Variants in SGCD observed in about 807,000 individuals in gnomAD.
SGCD encodes delta-sarcoglycan.
A neutral mutation model predicts 36.6 loss-of-function variants in SGCD; 18 were observed. The observed-to-expected ratio is 0.49, with a 90% CI of 0.34 to 0.73. The LOEUF is 0.73. Among genes scored for constraint, SGCD ranks in the 30% least tolerant of loss-of-function variants. The pLI is 0.01. For missense variants in SGCD, 387 were observed against 346.7 expected, an observed-to-expected ratio of 1.12 and a Z score of -0.92; for synonymous variants, 133 against 130.6, an observed-to-expected ratio of 1.02 and a Z score of -0.12.
rs1278526792 is a variant in SGCD, at chr5:156,607,556, C to G, written c.502+12505C>G. Among the ~76,000 whole-genome samples, 3 of 152,200 alleles carry G rather than the reference C, an allele frequency of 2.0e-5. No homozygotes were observed. In the East Asian group the frequency reaches 5.8e-4, roughly 29 times the overall value. On this transcript the variant is annotated intron_variant, in intron 6 of 8. Coordinates refer to ENST00000337851, the MANE Select transcript of SGCD (RefSeq NM_000337.6). Reference sequence around the variant, plus strand: ...GCTTTGGTATCAGGATGATGCTGGACTCATCAAATGAGTTAGGGAGGATTC... The same window carrying G: ...GCTTTGGTATCAGGATGATGCTGGAGTCATCAAATGAGTTAGGGAGGATTC...
chr5:156,104,112 T>A (rs2127597494), intron 1 of SGCD, among the ~76,000 whole-genome samples: 1 of 152,292 alleles, frequency 6.6e-6, no homozygotes, highest in East Asian at 1.9e-4. Flanking sequence ...GTTGTCCCTG[T>A]TAAAGTCACA....
At position 156,448,659 on chromosome 5, in the gene SGCD, G is replaced by T. The variant is rs2127803069; in HGVS notation, c.193-59942G>T. On this transcript the variant is annotated intron_variant, in intron 3 of 8. Coordinates refer to ENST00000337851, the MANE Select transcript of SGCD (RefSeq NM_000337.6). ...CTGTTCCAGGGACAGGCAACTCATG[G>T]TGATGTGTTTGGGCAGAAATAACAT... Among the ~76,000 whole-genome samples the T allele has an allele frequency of 2.0e-5, 3 of 151,666 alleles. No homozygotes were observed. In the South Asian group the frequency reaches 6.2e-4, roughly 32 times the overall value.
chr5:155,796,007 A>G, the SGCD span, among the ~76,000 whole-genome samples: 10 of 152,330 alleles, frequency 6.6e-5, no homozygotes, highest in African/African-American at 2.4e-4. Flanking sequence ...ACCAAAACAT[A>G]ATCGTAGTGA....
At chr5:156,004,535 G>C (rs1758721871) in intron 1 of SGCD, among the ~76,000 whole-genome samples, 2 of 152,150 alleles carry the variant, frequency 1.3e-5, no homozygotes, top group African/African-American at 4.8e-5. Flanking sequence ...TTAGTAACCA[G>C]ATCATCCAGC....
chr5:156,073,678 A>G lies in SGCD; in HGVS notation c.-281-44200A>G, dbSNP rs12187922. Among the ~76,000 whole-genome samples, 285 of 152,350 alleles carry G rather than the reference A, an allele frequency of 1.9e-3. 1 individual carries two copies. Among genetic ancestry groups the G allele is most frequent in the Non-Finnish European group, 2.7e-3 (187 of 68,018 alleles). On this transcript the variant is annotated intron_variant, in intron 1 of 9. Coordinates refer to the SGCD transcript ENST00000517913. ...AGTTCTTGATGCTTAGGGCTGTGAG[A>G]AATTCAAGAGACTAAGCCACATGTT...
chr5:156,589,019 T>TGTGTGTGTGC (rs1561798419), intron 4 of SGCD, among the ~76,000 whole-genome samples: 2 of 152,046 alleles, frequency 1.3e-5, no homozygotes, highest in African/African-American at 4.8e-5. Context: ...TGTGTGTGTG[T>TGTGTGTGTGC]GTGTGCATTT....
At chr5:155,927,212 G>A (rs984673630) in intron 1 of SGCD, among the ~76,000 whole-genome samples, 36 of 152,274 alleles carry the variant, frequency 2.4e-4, no homozygotes, top group South Asian at 2.1e-4. Context: ...TAAGTAAAGC[G>A]CTTAGAATAA....
the SGCD span, among the ~76,000 whole-genome samples, chr5:155,767,271 G>A: frequency 1.3e-5 from 2 of 152,184 alleles, no homozygotes; most frequent in Non-Finnish European, 2.9e-5. Context: ...GACCCTCCAT[G>A]GGGCGGCCTG....
intron 3 of SGCD, among the ~76,000 whole-genome samples, chr5:156,430,410 ATTT>A (rs938374522): frequency 2.0e-5 from 3 of 151,280 alleles, no homozygotes; most frequent in African/African-American, 7.3e-5. Context: ...CATATCCTGG[ATTT>A]TTTTAAGTTG....
rs1038050262 is a variant in SGCD at position 156,623,671 on chromosome 5, G to A, written c.503-23793G>A. ...AGTACTTGTATTATATCATGGGCTT[G>A]TGGAAAAGATTGCATTTAACTAAAC... On this transcript the variant is annotated intron_variant, in intron 6 of 8. Transcript: ENST00000337851. Among the ~76,000 whole-genome samples, 3 of 152,232 alleles carry A rather than the reference G, an allele frequency of 2.0e-5. No individual in the cohort carries two copies. In the South Asian group the frequency reaches 6.2e-4, roughly 32 times the overall value.
chr5:155,779,504 A>G, the SGCD span, among the ~76,000 whole-genome samples: 22 of 152,234 alleles, frequency 1.4e-4, no homozygotes, highest in African/African-American at 5.3e-4. Flanking sequence ...TAAACCTAGT[A>G]TGTTGTTTCC....
chr5:156,594,210 T>C (rs1274003098), intron 5 of SGCD, among the ~76,000 whole-genome samples: 5 of 152,182 alleles, frequency 3.3e-5, no homozygotes, highest in Admixed American at 3.3e-4. Context: ...AAATTTTAAA[T>C]GTATATTGGT....
chr5:156,127,473 C>T (rs1581115735), intron 3 of SGCD, among the ~76,000 whole-genome samples: 1 of 151,830 alleles, frequency 6.6e-6, no homozygotes, highest in East Asian at 1.9e-4. Flanking sequence ...AGAAATTAGC[C>T]AGGCATCGTA....
chr5:155,777,361 T>C, the SGCD span, among the ~76,000 whole-genome samples: 1 of 14,846 alleles, frequency 6.7e-5, no homozygotes, highest in South Asian at 1.2e-3. Flanking sequence ...AGTTTTTTTG[T>C]TTTTTTTTTT....
chr5:156,384,314 G>A (rs1771157627), intron 3 of SGCD, among the ~76,000 whole-genome samples: 1 of 152,130 alleles, frequency 6.6e-6, no homozygotes, highest in African/African-American at 2.4e-5. Context: ...CCTTCTTCCA[G>A]GAAGCCTTCT....
intron 1 of SGCD, among the ~76,000 whole-genome samples, chr5:156,071,261 G>T (rs1453739247): frequency 6.6e-6 from 1 of 151,966 alleles, no homozygotes; most frequent in African/African-American, 2.4e-5. Context: ...TTCTCTTGTG[G>T]GCATTTAGTG....
At chr5:156,701,465 C>T (rs897323496) in intron 7 of SGCD, among the ~76,000 whole-genome samples, 2 of 152,118 alleles carry the variant, frequency 1.3e-5, no homozygotes, top group Non-Finnish European at 2.9e-5. Flanking sequence ...AAATCATCTT[C>T]CTTCTTCCAC....
chr5:156,483,500 C>T (rs985926049), intron 3 of SGCD, among the ~76,000 whole-genome samples: 3 of 152,172 alleles, frequency 2.0e-5, no homozygotes, highest in Admixed American at 1.3e-4. Flanking sequence ...TACACACCCA[C>T]GTTCATGTTA....
chr5:156,443,928 A>G (rs971472780), intron 3 of SGCD, among the ~76,000 whole-genome samples: 1 of 152,078 alleles, frequency 6.6e-6, no homozygotes, highest in African/African-American at 2.4e-5. Flanking sequence ...ATCTTATCTA[A>G]CTATAAAAAT....
Sources: gnomAD v4.1 joint callset for allele counts (sites outside exome capture counted in the v4.1 genomes callset) on GRCh38, gnomAD v4.1.1 for gene constraint, MANE v1.5 for transcripts, NCBI Gene and HGNC (gene_info 2026-07-23, HGNC 2026-07-21) for gene names.